Variants in THADA observed in about 807,000 individuals in gnomAD.
THADA encodes tRNA (32-2'-O)-methyltransferase regulator THADA.
THADA carries 213 observed loss-of-function variants against 219.8 expected under a neutral mutation model. The ratio of observed to expected loss-of-function variants is 0.97; its 90% CI spans 0.87 to 1.09. The LOEUF (loss-of-function observed/expected upper bound fraction) is 1.09. Among genes scored for constraint, THADA ranks in the 50% least tolerant of loss-of-function variants. The pLI, the probability that THADA is intolerant of heterozygous loss-of-function variation, is 0.00. For missense variants in THADA, 2,956 were observed against 2,311.3 expected, an observed-to-expected ratio of 1.28 and a Z score of -5.72; for synonymous variants, 1,018 against 828.9, an observed-to-expected ratio of 1.23 and a Z score of -3.92.
intron 26 of THADA, among the ~76,000 whole-genome samples, chr2:43,460,759 G>A (rs1406104268): frequency 6.6e-6 from 1 of 152,212 alleles, no homozygotes; most frequent in Non-Finnish European, 1.5e-5. Flanking sequence ...AGCCATAGAC[G>A]TGGTATAACA....
In THADA at chr2:43,596,009, C is replaced by G. The variant is rs1360312726; in HGVS notation, c.-103G>C. On this transcript the variant is annotated 5_prime_UTR_variant, in exon 1 of 38. Transcript: ENST00000405975. ...AGCAGGTCTCCTTCTACGGCGTCTC[C>G]GAGGCTCGCAGCGCGGTCCACGGTC... The G allele has an allele frequency of 2.6e-5, 4 of 152,312 alleles. No homozygotes were observed. Among genetic ancestry groups the G allele is most frequent in the African/African-American group, 9.7e-5 (4 of 41,426 alleles). 9.4% of individuals were successfully genotyped at this position (152,312 alleles called of 1,614,324 possible). A position where few individuals can be genotyped will look rare whatever the true frequency, so the allele number is the denominator to read the frequency against.
In THADA at chr2:43,231,149, T is replaced by C; in HGVS notation, c.5661A>G (p.Arg1887=). The C allele has an allele frequency of 1.2e-6, 2 of 1,613,854 alleles. 1 individual carries two copies. Among genetic ancestry groups the C allele is most frequent in the South Asian group, 2.2e-5 (2 of 91,066 alleles). Residue 1887 remains arginine (R), a synonymous_variant, in exon 38 of 38, where the codon AGA becomes AGG. Coordinates refer to ENST00000405975, the MANE Select transcript of THADA (RefSeq NM_022065.5). ...EQCHLLSQFF[R]ELPPAAEFVK... is the part of the protein sequence containing the mutation. ...CAAACTCAGCAGCTGGTGGAAGCTC[T>C]CTGAAGAACTGAGACAGGAGGTGGC...
intron 31 of THADA, among the ~76,000 whole-genome samples, chr2:43,311,747 C>A (rs1247749917): frequency 6.6e-6 from 1 of 152,254 alleles, no homozygotes; most frequent in Non-Finnish European, 1.5e-5. Context: ...AGAATCCACA[C>A]ATGAAAGGCC....
intron 22 of THADA, among the ~76,000 whole-genome samples, chr2:43,526,722 T>C (rs983585750): frequency 3.9e-5 from 6 of 152,210 alleles, no homozygotes. Context: ...GCTCACAACA[T>C]ACCTTTTGTT....
At chr2:43,257,219 A>G (rs1208143466) in intron 36 of THADA, among the ~76,000 whole-genome samples, 1 of 152,254 alleles carries the variant, frequency 6.6e-6, no homozygotes, top group East Asian at 1.9e-4. Context: ...GGGACGTCAG[A>G]AAGTTGTCCA....
chr2:43,428,146 T>C lies in THADA; in HGVS notation c.4012A>G (p.Thr1338Ala). 6.2e-7 allele frequency: 1 copy of C among 1,610,340 alleles called. No individual in the cohort carries two copies. Among genetic ancestry groups the C allele is most frequent in the East Asian group, 2.2e-5 (1 of 44,792 alleles). ...ERLYASPMDG[T>A]SSALSMGPFV... ...GGTCCCATGCTGAGAGCAGAAGAAGTACCATCCATCGGGGAAGCGTAGAGT... is the reference window on the plus strand; with the variant it reads ...GGTCCCATGCTGAGAGCAGAAGAAGCACCATCCATCGGGGAAGCGTAGAGT... The change falls in exon 28 of 38, where the codon ACT becomes GCT. Residue 1338 changes from threonine (T) to alanine (A), a missense_variant. Thr to Ala is a moderately conservative substitution (Grantham distance 58). Transcript: ENST00000405975.
chr2:43,388,398 T>C (rs1387519161), intron 29 of THADA, among the ~76,000 whole-genome samples: 1 of 152,122 alleles, frequency 6.6e-6, no homozygotes, highest in Non-Finnish European at 1.5e-5. Flanking sequence ...TCGCAGGGGA[T>C]GGAAAGCATA....
intron 29 of THADA, among the ~76,000 whole-genome samples, chr2:43,377,385 A>G (rs1456859148): frequency 1.3e-5 from 2 of 152,084 alleles, no homozygotes; most frequent in African/African-American, 4.8e-5. Flanking sequence ...CTTTAGACAT[A>G]GATTTTTTTT....
chr2:43,578,898 C>T (rs1412529322), intron 8 of THADA, among the ~76,000 whole-genome samples: 1 of 152,190 alleles, frequency 6.6e-6, no homozygotes, highest in Non-Finnish European at 1.5e-5. Context: ...GTAGCGTGAC[C>T]TCAGCTCACT....
intron 22 of THADA, among the ~76,000 whole-genome samples, chr2:43,513,241 T>C (rs557958545): frequency 2.6e-5 from 4 of 152,316 alleles, no homozygotes; most frequent in East Asian, 1.9e-4. Context: ...ATTGAAATGA[T>C]AGAGATGAAA....
chr2:43,590,935 T>G lies in THADA; in HGVS notation c.191A>C (p.Lys64Thr). Reference sequence around the variant, plus strand: ...ATCACACATGCCATTTTTATCTGCTTTCTCCAGCAGAGGCACAATCTATAA... The same window carrying G: ...ATCACACATGCCATTTTTATCTGCTGTCTCCAGCAGAGGCACAATCTATAA... ...YIKQIVPLLE[K>T]ADKNGMCDPT... Residue 64 changes from lysine (K) to threonine (T), a missense_variant, in exon 4 of 38, where the codon AAA (lysine) becomes ACA (threonine). Physicochemically the swap from Lys to Thr is moderately conservative, Grantham distance 78. Coordinates refer to ENST00000405975, the MANE Select transcript of THADA (RefSeq NM_022065.5). The G allele has an allele frequency of 6.2e-7, 1 of 1,613,110 alleles. No individual in the cohort carries two copies. The highest frequency in any genetic ancestry group is 8.5e-7 in the Non-Finnish European group (1 of 1,179,340).
At chr2:43,320,677 C>T in intron 30 of THADA, 137 bp from the exon 31 acceptor site, 1 of 578,458 alleles carries the variant, frequency 1.7e-6, no homozygotes, top group Non-Finnish European at 3.0e-6. Flanking sequence ...AAATGATGTA[C>T]AATCATTGAT....
chr2:43,442,582 T>C (rs144862683), intron 26 of THADA, among the ~76,000 whole-genome samples: 132 of 152,288 alleles, frequency 8.7e-4, no homozygotes, highest in Non-Finnish European at 1.6e-3. Context: ...CGAAAGAAGG[T>C]ACAAAAATTT....
intron 26 of THADA, among the ~76,000 whole-genome samples, chr2:43,457,055 C>T (rs1485829579): frequency 6.6e-6 from 1 of 151,720 alleles, no homozygotes; most frequent in Non-Finnish European, 1.5e-5. Context: ...TGTGCACACA[C>T]GTGCCAAAGG....
At chr2:43,354,405 ATAAAT>A (rs899299501) in intron 29 of THADA, among the ~76,000 whole-genome samples, 3 of 151,904 alleles carry the variant, frequency 2.0e-5, no homozygotes, top group Non-Finnish European at 2.9e-5. Flanking sequence ...TAAATGTACA[ATAAAT>A]TATTGTTGAC....
At chr2:43,374,208 G>T (rs1671120588) in intron 29 of THADA, among the ~76,000 whole-genome samples, 1 of 152,100 alleles carries the variant, frequency 6.6e-6, no homozygotes. Context: ...AATATTCTTG[G>T]GGAAAGCCCA....
At chr2:43,289,639 T>C (rs1674451170) in intron 34 of THADA, among the ~76,000 whole-genome samples, 1 of 152,174 alleles carries the variant, frequency 6.6e-6, no homozygotes. Context: ...AACTTGGTGT[T>C]TTTTTGTTTG....
chr2:43,340,472 A>T (rs1243010166), intron 30 of THADA, among the ~76,000 whole-genome samples: 1 of 152,268 alleles, frequency 6.6e-6, no homozygotes, highest in African/African-American at 2.4e-5. Context: ...CAATAGTGCC[A>T]ATCAATTTTT....
At chr2:43,372,366 AT>A (rs1670905655) in intron 29 of THADA, 1 of 152,234 alleles carries the variant, frequency 6.6e-6, no homozygotes, top group African/African-American at 2.4e-5. Flanking sequence ...AGGAAGGTAC[AT>A]TTTTGTAGTA....
Sources: gnomAD v4.1 joint callset for allele counts (sites outside exome capture counted in the v4.1 genomes callset) on GRCh38, gnomAD v4.1.1 for gene constraint, MANE v1.5 for transcripts, NCBI Gene and HGNC (gene_info 2026-07-23, HGNC 2026-07-21) for gene names.